CFAP299: variants seen among roughly 807,000 people sequenced by gnomAD.
CFAP299 encodes cilia and flagella associated protein 299, also known as cilia- and flagella-associated protein 299.
A neutral mutation model predicts 27.0 loss-of-function variants in CFAP299; 21 were observed. The ratio of observed to expected loss-of-function variants is 0.78; its 90% CI spans 0.55 to 1.12. CFAP299 has a LOEUF of 1.12. Ranked by LOEUF, CFAP299 falls within the 50% of genes most tolerant of loss-of-function variation. The pLI is 0.00. For synonymous variants in CFAP299, 104 were observed against 98.1 expected, an observed-to-expected ratio of 1.06 and a Z score of -0.36; for missense variants, 310 against 276.6, an observed-to-expected ratio of 1.12 and a Z score of -0.86.
chr4:80,943,806 C>T (rs1158969845), intron 4 of CFAP299, among the ~76,000 whole-genome samples: 8 of 152,216 alleles, frequency 5.3e-5, no homozygotes, highest in East Asian at 3.9e-4. Flanking sequence ...TAGTGGCTCA[C>T]GCCTGTAATC....
intron 3 of CFAP299, among the ~76,000 whole-genome samples, chr4:80,791,013 A>G (rs1269039027): frequency 1.3e-5 from 2 of 152,048 alleles, no homozygotes; most frequent in Non-Finnish European, 2.9e-5. Flanking sequence ...TATAATGCCA[A>G]TCATACATTT....
rs1239061143 is a variant in CFAP299 at position 80,390,899 on chromosome 4, A to ATG, written c.242+28016_242+28017dup. Among the ~76,000 whole-genome samples, 53 of 128,334 alleles carry ATG rather than the reference A, an allele frequency of 4.1e-4. 4 individuals are homozygous for ATG. Among genetic ancestry groups the ATG allele is most frequent in the Non-Finnish European group, 5.9e-4 (35 of 59,244 alleles). 84.2% of individuals were successfully genotyped at this position (128,334 alleles called of 152,430 possible). A position where few individuals can be genotyped will look rare whatever the true frequency, so the allele number is the denominator to read the frequency against. On this transcript the variant is annotated intron_variant, in intron 2 of 5. Coordinates refer to ENST00000358105, the MANE Select transcript of CFAP299 (RefSeq NM_152770.3). ...TATGTATATATGTATATACACACAT[A>ATG]TGCATATATGTATATACACACATAT...
chr4:80,951,718 T>C (rs756746213), intron 5 of CFAP299, among the ~76,000 whole-genome samples: 1 of 152,224 alleles, frequency 6.6e-6, no homozygotes, highest in Admixed American at 6.5e-5. Context: ...CTGGATTTTA[T>C]ATCCACTGCT....
chr4:80,381,015 C>G (rs1228931333), intron 2 of CFAP299, among the ~76,000 whole-genome samples: 1 of 152,098 alleles, frequency 6.6e-6, no homozygotes, highest in Non-Finnish European at 1.5e-5. Flanking sequence ...TGACATTTCT[C>G]TCATTTACAC....
intron 3 of CFAP299, among the ~76,000 whole-genome samples, chr4:80,830,357 C>T (rs1007011744): frequency 1.3e-5 from 2 of 151,966 alleles, no homozygotes; most frequent in Non-Finnish European, 2.9e-5. Flanking sequence ...TAAGGCTATT[C>T]AAGGGGAAGA....
At chr4:80,881,479 C>T (rs890862044) in intron 4 of CFAP299, among the ~76,000 whole-genome samples, 2 of 152,180 alleles carry the variant, frequency 1.3e-5, no homozygotes, top group Non-Finnish European at 2.9e-5. Context: ...TTGGAAAAAG[C>T]ACAGAACTGA....
At chr4:80,860,841 G>T (rs1485644455) in intron 3 of CFAP299, among the ~76,000 whole-genome samples, 1 of 152,200 alleles carries the variant, frequency 6.6e-6, no homozygotes, top group African/African-American at 2.4e-5. Flanking sequence ...TCCCAGTTAG[G>T]CTGCTCAGGG....
rs374430293 is a variant in CFAP299, at chr4:80,345,730, A to G, written c.111+9851A>G. On this transcript the variant is annotated intron_variant, in intron 1 of 5. Transcript: ENST00000358105. Reference sequence around the variant, plus strand: ...TGCTTTTGTGAATAGCGCCACAATAAACATATGTGTGCATGTGTCTTTATA... The same window carrying G: ...TGCTTTTGTGAATAGCGCCACAATAGACATATGTGTGCATGTGTCTTTATA... Among the ~76,000 whole-genome samples, 27 of 152,290 alleles carry G rather than the reference A, an allele frequency of 1.8e-4. No individual in the cohort carries two copies. In the South Asian group the frequency reaches 5.6e-3, roughly 32 times the overall value.
chr4:80,380,597 T>C (rs890391395), intron 2 of CFAP299, among the ~76,000 whole-genome samples: 1 of 151,980 alleles, frequency 6.6e-6, no homozygotes, highest in Non-Finnish European at 1.5e-5. Context: ...CTGGCTAATT[T>C]TTTGTATTTT....
At chr4:80,944,408 T>C (rs1306960305) in intron 4 of CFAP299, among the ~76,000 whole-genome samples, 2 of 152,172 alleles carry the variant, frequency 1.3e-5, no homozygotes, top group East Asian at 3.8e-4. Context: ...GTGAATTTAT[T>C]TGGAATTGTT....
Position 80,406,346 on chromosome 4 carries a change from C to A in CFAP299, c.242+43462C>A, listed in dbSNP as rs573539459. Reference sequence around the variant, plus strand: ...GTGTCAGATTCATACTCTATCCATTCCTAATACAAACCTTTTTTAAGTGTA... The same window carrying A: ...GTGTCAGATTCATACTCTATCCATTACTAATACAAACCTTTTTTAAGTGTA... On this transcript the variant is annotated intron_variant, in intron 2 of 5. Coordinates refer to ENST00000358105, the MANE Select transcript of CFAP299 (RefSeq NM_152770.3). 2.8e-4 allele frequency among the ~76,000 whole-genome samples: 42 copies of A among 152,188 alleles called. 1 individual carries two copies. Among genetic ancestry groups the A allele is most frequent in the African/African-American group, 9.9e-4 (41 of 41,520 alleles).
intron 2 of CFAP299, among the ~76,000 whole-genome samples, chr4:80,546,711 G>C (rs1249315952): frequency 1.3e-5 from 2 of 152,016 alleles, no homozygotes; most frequent in African/African-American, 4.8e-5. Context: ...ACTCTCTCTT[G>C]CTCCTGCTTT....
chr4:80,596,842 A>G (rs191000824), intron 3 of CFAP299, among the ~76,000 whole-genome samples: 8 of 152,304 alleles, frequency 5.3e-5, no homozygotes, highest in Admixed American at 4.6e-4. Flanking sequence ...AAATAGAACC[A>G]TATTTTCTGA....
chr4:80,562,690 T>C lies in CFAP299; in HGVS notation c.243-20403T>C, dbSNP rs574336923. Among the ~76,000 whole-genome samples the C allele has an allele frequency of 5.2e-3, 752 of 144,696 alleles. 5 individuals are homozygous for C. Among genetic ancestry groups the C allele is most frequent in the Middle Eastern group, 0.022 (6 of 278 alleles). The allele number at this position is 144,696 out of a possible 152,430, so 94.9% of individuals were successfully genotyped here. On this transcript the variant is annotated intron_variant, in intron 2 of 5. Transcript: ENST00000358105. Reference sequence around the variant, plus strand: ...ATAATAATAATAATAATAATAATAATAATAACAACAACAACATTGAATGTA... The same window carrying C: ...ATAATAATAATAATAATAATAATAACAATAACAACAACAACATTGAATGTA...
At chr4:80,498,753 A>G (rs1209479442) in intron 2 of CFAP299, among the ~76,000 whole-genome samples, 1 of 152,180 alleles carries the variant, frequency 6.6e-6, no homozygotes, top group Non-Finnish European at 1.5e-5. Context: ...GGATATACCC[A>G]AAGGAATAGA....
At chr4:80,775,263 G>A (rs1726467330) in intron 3 of CFAP299, among the ~76,000 whole-genome samples, 1 of 151,756 alleles carries the variant, frequency 6.6e-6, no homozygotes, top group Non-Finnish European at 1.5e-5. Context: ...AGGTATGAAA[G>A]AAAACAAGAA....
intron 2 of CFAP299, among the ~76,000 whole-genome samples, chr4:80,582,449 A>G (rs1340842908): frequency 6.6e-6 from 1 of 151,924 alleles, no homozygotes; most frequent in Non-Finnish European, 1.5e-5. Flanking sequence ...TGGAATATGT[A>G]AGAAATTGCT....
chr4:80,749,631 C>T (rs1010930492), intron 3 of CFAP299, among the ~76,000 whole-genome samples: 1 of 152,216 alleles, frequency 6.6e-6, no homozygotes, highest in Non-Finnish European at 1.5e-5. Flanking sequence ...TGGCAAACCA[C>T]TAATGTAAGT....
intron 3 of CFAP299, among the ~76,000 whole-genome samples, chr4:80,685,235 T>C (rs1720107725): frequency 6.6e-6 from 1 of 152,186 alleles, no homozygotes; most frequent in East Asian, 1.9e-4. Flanking sequence ...AAGCTCTTGT[T>C]CAGTGAATAT....
Sources: allele counts gnomAD v4.1 joint callset (sites outside exome capture counted in the v4.1 genomes callset), GRCh38; gene constraint gnomAD v4.1.1; transcripts MANE v1.5; gene names NCBI Gene and HGNC (gene_info 2026-07-23, HGNC 2026-07-21).